Variants in MFHAS1 observed in about 807,000 individuals in gnomAD.
MFHAS1 encodes multifunctional ROCO family signaling regulator 1, also known as malignant fibrous histiocytoma-amplified sequence 1.
A neutral mutation model predicts 70.4 loss-of-function variants in MFHAS1; 50 were observed. The observed-to-expected ratio is 0.71, with a 90% CI of 0.57 to 0.90. MFHAS1 has a LOEUF of 0.90. Among genes scored for constraint, MFHAS1 ranks in the 40% least tolerant of loss-of-function variants. The pLI, the probability that MFHAS1 is intolerant of heterozygous loss-of-function variation, is 0.00. For synonymous variants in MFHAS1, 952 were observed against 620.0 expected (o/e 1.54, Z -7.96); for missense variants, 1,795 against 1,347.6 (o/e 1.33, Z -5.20).
At chr8:8,840,009 T>A (rs146299935) in intron 1 of MFHAS1, among the ~76,000 whole-genome samples, 87 of 152,328 alleles carry the variant, frequency 5.7e-4, no homozygotes, top group African/African-American at 2.0e-3. Flanking sequence ...AGTAAATGGA[T>A]ATACATATAC....
Position 8,819,891 on chromosome 8 carries a change from G to T in MFHAS1, c.2999-22400C>A, listed in dbSNP as rs1440311596. Among the ~76,000 whole-genome samples, 5 of 151,942 alleles carry T rather than the reference G, an allele frequency of 3.3e-5. No individual in the cohort carries two copies. The East Asian group carries it at 9.7e-4, about 29-fold the overall frequency. On this transcript the variant is annotated intron_variant, in intron 1 of 2. Coordinates refer to ENST00000276282, the MANE Select transcript of MFHAS1 (RefSeq NM_004225.3). ...CTTTTTCTATTTTTGATAGAGACGG[G>T]GTCTTTACATTACCCAGGCTGGTCT... is the stretch of plus-strand genomic sequence containing the variant.
At chr8:8,796,764 G>A (rs1277173070) in intron 2 of MFHAS1, among the ~76,000 whole-genome samples, 3 of 148,264 alleles carry the variant, frequency 2.0e-5, no homozygotes, top group Non-Finnish European at 4.4e-5. Flanking sequence ...GGGAGGCCAA[G>A]ACGGGCGGAT....
chr8:8,867,252 T>G (rs1415422595), intron 1 of MFHAS1, among the ~76,000 whole-genome samples: 2 of 152,222 alleles, frequency 1.3e-5, no homozygotes, highest in Non-Finnish European at 2.9e-5. Context: ...GCAAACCCAC[T>G]AAATTCTTCA....
intron 1 of MFHAS1, among the ~76,000 whole-genome samples, chr8:8,882,880 C>T (rs1446474943): frequency 9.2e-5 from 14 of 151,990 alleles, no homozygotes; most frequent in Admixed American, 4.6e-4. Flanking sequence ...AGGCTGGGTG[C>T]GGTGGCTCAT....
In MFHAS1 at chr8:8,891,011, C is replaced by T. The variant is rs772761213; in HGVS notation, c.2048G>A (p.Trp683Ter). The change falls in exon 1 of 3, where the codon TGG becomes TAG. Residue 683 changes from tryptophan (W) to a stop codon, truncating the protein, a stop_gained. Transcript: ENST00000276282. LOFTEE classifies it high-confidence loss of function. The surrounding 1 kb of genome is among the most constrained non-coding windows in gnomAD (Gnocchi z 5.4). ...PPQAQRLWLS[W>*]WDSARLGLQA... ...CAGGCCCAAGCGCGCCGAGTCCCACCAGCTTAGCCACAGTCGCTGGGCCTG... is the reference window on the plus strand; with the variant it reads ...CAGGCCCAAGCGCGCCGAGTCCCACTAGCTTAGCCACAGTCGCTGGGCCTG... The T allele has an allele frequency of 6.2e-7, 1 of 1,613,862 alleles. No homozygotes were observed. Among genetic ancestry groups the T allele is most frequent in the South Asian group, 1.1e-5 (1 of 91,060 alleles).
intron 1 of MFHAS1, among the ~76,000 whole-genome samples, chr8:8,854,671 G>A (rs1291311323): frequency 3.0e-5 from 4 of 131,948 alleles, no homozygotes; most frequent in African/African-American, 2.9e-5. Flanking sequence ...GATGACAGAG[G>A]GGGACTTTGT....
chr8:8,849,309 GGCCTCAAGTGGCCTGCCT>G lies in MFHAS1; in HGVS notation c.2998+40734_2998+40751del, dbSNP rs555438898. Among the ~76,000 whole-genome samples the G allele has an allele frequency of 8.5e-4, 129 of 152,150 alleles. 1 individual carries two copies. Among genetic ancestry groups the G allele is most frequent in the African/African-American group, 3.0e-3 (124 of 41,502 alleles). ...TTGTTCAGGCTGCTCTTGAACTCCTGGCCTCAAGTGGCCTGCCTGCCTCAGCCTCCTGAAGTGCTGGGA... is the reference window on the plus strand; with the variant it reads ...TTGTTCAGGCTGCTCTTGAACTCCTGGCCTCAGCCTCCTGAAGTGCTGGGA... On this transcript the variant is annotated intron_variant, in intron 1 of 2. Coordinates refer to ENST00000276282, the MANE Select transcript of MFHAS1 (RefSeq NM_004225.3).
At chr8:8,809,786 T>C (rs1806480336) in intron 1 of MFHAS1, among the ~76,000 whole-genome samples, 2 of 152,148 alleles carry the variant, frequency 1.3e-5, no homozygotes, top group South Asian at 4.1e-4. Flanking sequence ...GTCAAGATTA[T>C]AAAAAGCCCA....
rs1805505339 is a variant in MFHAS1, at chr8:8,785,408, G to C, written c.*614C>G. 6.6e-6 allele frequency: 1 copy of C among 151,308 alleles called. No homozygotes were observed. The highest frequency in any genetic ancestry group is 1.5e-5 in the Non-Finnish European group (1 of 67,762). 9.4% of individuals were successfully genotyped at this position (151,308 alleles called of 1,614,324 possible). On this transcript the variant is annotated 3_prime_UTR_variant, in exon 3 of 3. Coordinates refer to ENST00000276282, the MANE Select transcript of MFHAS1 (RefSeq NM_004225.3). ...AGAGATTTTTTTTTTAATGTGAAGAGGATTAAAGAATAAAGAAAAAACAAA... is the reference window on the plus strand; with the variant it reads ...AGAGATTTTTTTTTTAATGTGAAGACGATTAAAGAATAAAGAAAAAACAAA...
At chr8:8,811,963 C>T (rs917425656) in intron 1 of MFHAS1, among the ~76,000 whole-genome samples, 13 of 152,122 alleles carry the variant, frequency 8.5e-5, no homozygotes, top group African/African-American at 2.4e-4. Flanking sequence ...CTACCTTCTC[C>T]GCATGCCATC....
chr8:8,818,541 G>A (rs1403702031), intron 1 of MFHAS1, among the ~76,000 whole-genome samples: 2 of 152,222 alleles, frequency 1.3e-5, no homozygotes, highest in South Asian at 2.1e-4. Context: ...TTAGCCTCCT[G>A]AGCCTCATTT....
At chr8:8,869,926 G>A (rs1247138605) in intron 1 of MFHAS1, among the ~76,000 whole-genome samples, 2 of 152,042 alleles carry the variant, frequency 1.3e-5, no homozygotes, top group Non-Finnish European at 2.9e-5. Context: ...ATTATTGTCT[G>A]AATTACCTCT....
chr8:8,860,365 T>A (rs1348733509), intron 1 of MFHAS1, among the ~76,000 whole-genome samples: 1 of 152,150 alleles, frequency 6.6e-6, no homozygotes, highest in Admixed American at 6.5e-5. Flanking sequence ...GCCTTCTCAG[T>A]CCCCTGTACT....
chr8:8,843,786 AG>A (rs1474435317), intron 1 of MFHAS1, among the ~76,000 whole-genome samples: 1 of 152,186 alleles, frequency 6.6e-6, no homozygotes, highest in Non-Finnish European at 1.5e-5. Context: ...CCTATCTTAC[AG>A]GCTGGAAAAG....
chr8:8,788,709 A>G (rs1399842547), intron 2 of MFHAS1, among the ~76,000 whole-genome samples: 2 of 152,212 alleles, frequency 1.3e-5, no homozygotes, highest in Non-Finnish European at 2.9e-5. Flanking sequence ...TTGAGGAGAC[A>G]TGAAGAACAG....
intron 1 of MFHAS1, among the ~76,000 whole-genome samples, chr8:8,840,388 C>T (rs983356041): frequency 5.4e-5 from 8 of 147,056 alleles, no homozygotes; most frequent in African/African-American, 1.0e-4. Context: ...ACCTGGGAGA[C>T]GGAGCTTGCA....
chr8:8,837,801 C>A (rs1807654383), intron 1 of MFHAS1, among the ~76,000 whole-genome samples: 3 of 152,108 alleles, frequency 2.0e-5, no homozygotes, highest in Admixed American at 1.3e-4. Context: ...TGTGGAGAAA[C>A]TGGAACTCTT....
At chr8:8,864,263 A>C (rs1328986850) in intron 1 of MFHAS1, among the ~76,000 whole-genome samples, 1 of 152,186 alleles carries the variant, frequency 6.6e-6, no homozygotes, top group African/African-American at 2.4e-5. Flanking sequence ...TAAAAAAACA[A>C]AGCCATTTTC....
At chr8:8,865,760 T>C (rs1444363993) in intron 1 of MFHAS1, among the ~76,000 whole-genome samples, 1 of 152,250 alleles carries the variant, frequency 6.6e-6, no homozygotes, top group Non-Finnish European at 1.5e-5. Flanking sequence ...AGTCCAACTA[T>C]TTTTGGGTCC....
Sources: allele counts gnomAD v4.1 joint callset (sites outside exome capture counted in the v4.1 genomes callset), GRCh38; gene constraint gnomAD v4.1.1; non-coding constraint Gnocchi (gnomAD v3.1); transcripts MANE v1.5; gene names NCBI Gene and HGNC (gene_info 2026-07-23, HGNC 2026-07-21).